Variants in DCLK1 observed in about 807,000 individuals in gnomAD.
The protein encoded by DCLK1 is doublecortin like kinase 1, also known as serine/threonine-protein kinase DCLK1.
In DCLK1, 16 loss-of-function variants were observed where a neutral mutation model predicts 86.2. The ratio of observed to expected loss-of-function variants is 0.19; its 90% CI spans 0.13 to 0.28. The LOEUF (loss-of-function observed/expected upper bound fraction) is 0.28. Among genes scored for constraint, DCLK1 ranks in the 10% least tolerant of loss-of-function variants. The probability of loss-of-function intolerance (pLI) is 1.00; values close to 1 mark genes in which losing one functional copy is unlikely to be tolerated. For missense variants in DCLK1, 590 were observed against 940.2 expected, an observed-to-expected ratio of 0.63 and a Z score of 4.87; for synonymous variants, 369 against 370.5, an observed-to-expected ratio of 1.00 and a Z score of 0.05.
intron 3 of DCLK1, among the ~76,000 whole-genome samples, chr13:36,004,667 C>T (rs1052925919): frequency 5.9e-5 from 9 of 152,080 alleles, no homozygotes; most frequent in South Asian, 2.1e-4. Context: ...TCTCGGCCTC[C>T]GGGGTTCAAG....
intron 3 of DCLK1, among the ~76,000 whole-genome samples, chr13:36,025,958 G>C (rs1189115739): frequency 2.6e-5 from 4 of 152,108 alleles, no homozygotes; most frequent in African/African-American, 9.7e-5. Flanking sequence ...ATCTAGGATG[G>C]TCATGGTGGG....
In DCLK1 at chr13:36,017,945, C is replaced by T. The variant is rs78522722; in HGVS notation, c.724-70488G>A. Among the ~76,000 whole-genome samples the T allele has an allele frequency of 5.4e-4, 83 of 152,304 alleles. No individual in the cohort carries two copies. The East Asian group carries it at 0.016, about 29-fold the overall frequency. On this transcript the variant is annotated intron_variant, in intron 3 of 16. Transcript: ENST00000360631. Reference sequence around the variant, plus strand: ...CATCTGTGGCGAGAAGATTCAGTTTCCCAAGCACATGAGGTCAGTTCTAGA... The same window carrying T: ...CATCTGTGGCGAGAAGATTCAGTTTTCCAAGCACATGAGGTCAGTTCTAGA...
At chr13:36,088,301 G>C (rs1257726237) in intron 3 of DCLK1, among the ~76,000 whole-genome samples, 2 of 152,204 alleles carry the variant, frequency 1.3e-5, no homozygotes, top group East Asian at 3.8e-4. Context: ...GGCACTGAGG[G>C]CTGAGTCCAG....
rs150724158 is a variant in DCLK1 at position 35,946,831 on chromosome 13, T to G, written c.823+527A>C. On this transcript the variant is annotated intron_variant, in intron 4 of 16. Transcript: ENST00000360631. ...TTATAACCATCCCCTCTTTATCTATTACAGAGTAGCACATTTAGTTTGTTA... is the reference window on the plus strand; with the variant it reads ...TTATAACCATCCCCTCTTTATCTATGACAGAGTAGCACATTTAGTTTGTTA... Among the ~76,000 whole-genome samples, 992 of 152,334 alleles carry G rather than the reference T, an allele frequency of 6.5e-3. 4 individuals are homozygous for G. Among genetic ancestry groups the G allele is most frequent in the Non-Finnish European group, 0.011 (724 of 68,040 alleles).
At chr13:35,820,327 T>C (rs989880980) in intron 11 of DCLK1, among the ~76,000 whole-genome samples, 2 of 152,210 alleles carry the variant, frequency 1.3e-5, no homozygotes, top group Admixed American at 6.5e-5. Context: ...AACCACATTA[T>C]AAATGACTGC....
chr13:36,031,897 G>C (rs899913423), intron 3 of DCLK1, among the ~76,000 whole-genome samples: 3 of 152,146 alleles, frequency 2.0e-5, no homozygotes, highest in African/African-American at 7.2e-5. Flanking sequence ...CCACCTGATA[G>C]ACGTGAGGTC....
At chr13:36,079,938 C>T (rs1448214524) in intron 3 of DCLK1, among the ~76,000 whole-genome samples, 3 of 152,282 alleles carry the variant, frequency 2.0e-5, no homozygotes, top group African/African-American at 4.8e-5. Context: ...AATGGTGCAG[C>T]ACATACATCA....
At chr13:35,894,141 CAAAA>C (rs112177686) in intron 4 of DCLK1, among the ~76,000 whole-genome samples, 6 of 148,970 alleles carry the variant, frequency 4.0e-5, no homozygotes, top group Non-Finnish European at 8.9e-5. Flanking sequence ...AACAAACAAA[CAAAA>C]AAAAAACAAC....
chr13:35,936,792 T>G (rs545922459), intron 4 of DCLK1, among the ~76,000 whole-genome samples: 1 of 152,230 alleles, frequency 6.6e-6, no homozygotes, highest in African/African-American at 2.4e-5. Flanking sequence ...ATTTAAATTC[T>G]TCCCAAGAGG....
intron 5 of DCLK1, among the ~76,000 whole-genome samples, chr13:35,868,637 G>A (rs1292843975): frequency 1.3e-5 from 2 of 151,860 alleles, no homozygotes; most frequent in African/African-American, 4.8e-5. Context: ...TAATTGATAC[G>A]GTTTCATTAA....
At position 36,080,110 on chromosome 13, in the gene DCLK1, GA is replaced by G. The variant is rs60303979; in HGVS notation, c.723+31758del. ...AGGTTTTGCCAACAAAGGAGTTATG[GA>G]AAAAAAAATGTCTGTTTCTACAGCT... On this transcript the variant is annotated intron_variant, in intron 3 of 16. Transcript: ENST00000360631. Among the ~76,000 whole-genome samples, 1,410 of 151,132 alleles carry G rather than the reference GA, an allele frequency of 9.3e-3. 15 individuals are homozygous for G. Among genetic ancestry groups the G allele is most frequent in the African/African-American group, 0.032 (1,332 of 41,222 alleles).
At chr13:35,914,787 T>A (rs1316343321) in intron 4 of DCLK1, among the ~76,000 whole-genome samples, 2 of 151,802 alleles carry the variant, frequency 1.3e-5, no homozygotes, top group Non-Finnish European at 2.9e-5. Flanking sequence ...ATGAACCATC[T>A]CACGAAAAGA....
chr13:36,108,835 T>G (rs781311409), intron 3 of DCLK1, among the ~76,000 whole-genome samples: 19 of 152,176 alleles, frequency 1.2e-4, no homozygotes, highest in Admixed American at 5.2e-4. Context: ...AATCTTAGGG[T>G]GGCATCTTGT....
chr13:35,946,117 ATCTGTCTATC>A lies in DCLK1; in HGVS notation c.823+1231_823+1240del, dbSNP rs553210017. On this transcript the variant is annotated intron_variant, in intron 4 of 16. Transcript: ENST00000360631. ...CCCTTGACTTCCCTGGGCTTAGATG[ATCTGTCTATC>A]TCAGCCTCCTGAACAGCTAGGACTG... Among the ~76,000 whole-genome samples, 20 of 152,236 alleles carry A rather than the reference ATCTGTCTATC, an allele frequency of 1.3e-4. No individual in the cohort carries two copies. The East Asian group carries it at 3.9e-3, about 29-fold the overall frequency.
intron 3 of DCLK1, among the ~76,000 whole-genome samples, chr13:36,055,870 A>G (rs1479887852): frequency 6.6e-6 from 1 of 152,214 alleles, no homozygotes; most frequent in Non-Finnish European, 1.5e-5. Context: ...CTGTTTATTA[A>G]AAATAAACTT....
chr13:36,073,500 A>G (rs1045662679), intron 3 of DCLK1, among the ~76,000 whole-genome samples: 3 of 152,110 alleles, frequency 2.0e-5, no homozygotes, highest in Admixed American at 6.5e-5. Flanking sequence ...ACAAAAAACA[A>G]AAAACAAAAA....
intron 16 of DCLK1, among the ~76,000 whole-genome samples, chr13:35,789,349 T>G (rs541620691): frequency 1.3e-5 from 2 of 152,220 alleles, no homozygotes; most frequent in Non-Finnish European, 2.9e-5. Flanking sequence ...GATTATAAAC[T>G]AGGCTATCCA....
chr13:36,094,458 T>C (rs988511611), intron 3 of DCLK1, among the ~76,000 whole-genome samples: 56 of 152,284 alleles, frequency 3.7e-4, no homozygotes, highest in Admixed American at 3.4e-3. Flanking sequence ...CTATCAGCTG[T>C]TGGTGTTCTG....
At chr13:36,065,473 G>T (rs1442241076) in intron 3 of DCLK1, among the ~76,000 whole-genome samples, 2 of 152,164 alleles carry the variant, frequency 1.3e-5, no homozygotes, top group African/African-American at 4.8e-5. Flanking sequence ...TAGCTTTTAA[G>T]AACCTATCTA....
Sources: allele counts gnomAD v4.1 joint callset (sites outside exome capture counted in the v4.1 genomes callset), GRCh38; gene constraint gnomAD v4.1.1; transcripts MANE v1.5; gene names NCBI Gene and HGNC (gene_info 2026-07-23, HGNC 2026-07-21).